The following TRPV5 variants were observed in gnomAD, a reference collection of about 807,000 sequenced individuals.
TRPV5 encodes the protein transient receptor potential cation channel subfamily V member 5.
TRPV5 carries 66 observed loss-of-function variants against 74.1 expected under a neutral mutation model. That is an observed-to-expected ratio of 0.89 (90% CI 0.73 to 1.09). The LOEUF is 1.09. TRPV5 is among the 50% of genes least tolerant of loss of function. The pLI is 0.00. For missense variants in TRPV5, 936 were observed against 930.4 expected (o/e 1.01, Z -0.08); for synonymous variants, 399 against 360.7 (o/e 1.11, Z -1.20).
intron 8 of TRPV5, among the ~76,000 whole-genome samples, chr7:142,916,491 G>C (rs4252480): frequency 0.016 from 2,490 of 151,196 alleles, 59 homozygotes; most frequent in African/African-American, 0.058. Flanking sequence ...ACAAAACTGT[G>C]TTCCCATGTA....
chr7:142,914,443 C>G (rs1026055693), intron 12 of TRPV5, among the ~76,000 whole-genome samples, 197 bp downstream of exon 12: 4 of 152,060 alleles, frequency 2.6e-5, no homozygotes, highest in Non-Finnish European at 5.9e-5. Context: ...CGTTCCAGGC[C>G]AACCTGAGTG....
At chr7:142,933,003 G>T (rs1377442323) in intron 1 of TRPV5, among the ~76,000 whole-genome samples, 2 of 152,156 alleles carry the variant, frequency 1.3e-5, no homozygotes, top group African/African-American at 2.4e-5. Context: ...TCAGCAGCCT[G>T]CTTCTGCCTT....
At chr7:142,911,407 A>G (rs757453326) in intron 13 of TRPV5, among the ~76,000 whole-genome samples, 13 of 152,144 alleles carry the variant, frequency 8.5e-5, no homozygotes, top group Non-Finnish European at 1.8e-4. Flanking sequence ...CAAGAGTCCT[A>G]ATTGCTACTA....
At chr7:142,914,347 C>G (rs1795755361) in intron 12 of TRPV5, among the ~76,000 whole-genome samples, 1 of 152,002 alleles carries the variant, frequency 6.6e-6, no homozygotes, top group African/African-American at 2.4e-5. Context: ...CTGTTCTCAC[C>G]AAAAGTCTTT....
chr7:142,933,439 C>T lies in TRPV5; in HGVS notation c.21G>A (p.Lys7=), dbSNP rs779444082. The change falls in exon 1 of 15, where the codon AAG becomes AAA. Residue 7 remains lysine (K), a synonymous_variant. Coordinates refer to ENST00000265310, the MANE Select transcript of TRPV5 (RefSeq NM_019841.7). MGGFLP[K]AEGPGSQLQK... ...GGAGTTGGCTCCCGGGCCCTTCTGC[C>T]TTAGGTAGAAAACCCCCCATGTCTT... 26 of 1,613,630 alleles carry T rather than the reference C, an allele frequency of 1.6e-5. No homozygotes were observed. In the Admixed American group the frequency reaches 3.5e-4, roughly 22 times the overall value.
In TRPV5 at chr7:142,929,014, G is replaced by C; in HGVS notation, c.586+8C>G. Reference sequence around the variant, plus strand: ...CATCCCAGCTCCCCTCCCCATCCCAGCTCTTACCCAGGGAGTCCTGGGCCC... The same window carrying C: ...CATCCCAGCTCCCCTCCCCATCCCACCTCTTACCCAGGGAGTCCTGGGCCC... On this transcript the variant is annotated splice_region_variant and intron_variant, in intron 5 of 14. Transcript: ENST00000265310. 1 of 1,613,914 alleles carries C rather than the reference G, an allele frequency of 6.2e-7. No individual in the cohort carries two copies. The highest frequency in any genetic ancestry group is 2.2e-5 in the East Asian group (1 of 44,874).
At chr7:142,930,509 G>A in intron 1 of TRPV5, 63 bp from the exon 2 acceptor site, 1 of 1,212,958 alleles carries the variant, frequency 8.2e-7, no homozygotes, top group East Asian at 2.3e-5. Context: ...CAAGAGCAAA[G>A]GGGATCTAAG....
At chr7:142,925,274 G>A (rs1795963734) in intron 8 of TRPV5, 1 of 560,426 alleles carries the variant, frequency 1.8e-6, no homozygotes, top group Non-Finnish European at 3.2e-6. Context: ...TTTCACAAAA[G>A]CACAGGCTTA....
chr7:142,933,058 T>G (rs995027199), intron 1 of TRPV5, among the ~76,000 whole-genome samples: 1 of 152,214 alleles, frequency 6.6e-6, no homozygotes, highest in Non-Finnish European at 1.5e-5. Flanking sequence ...CTGGTCCTTT[T>G]TGGTCCTTTC....
At position 142,933,299 on chromosome 7, in the gene TRPV5, C is replaced by T. The variant is rs373380365; in HGVS notation, c.128+33G>A. 177 of 1,608,818 alleles carry T rather than the reference C, an allele frequency of 1.1e-4. No individual in the cohort carries two copies. In the East Asian group the frequency reaches 2.1e-3, roughly 19 times the overall value. On this transcript the variant is annotated intron_variant, in intron 1 of 14. Coordinates refer to ENST00000265310, the MANE Select transcript of TRPV5 (RefSeq NM_019841.7). ...GGGTCAGAGGGTCTGAGGATCACGGCGGTAGGGCCACGGATCGTTCTAGGA... is the reference window on the plus strand; with the variant it reads ...GGGTCAGAGGGTCTGAGGATCACGGTGGTAGGGCCACGGATCGTTCTAGGA...
In TRPV5 at chr7:142,933,740, G is replaced by A. The variant is rs1438928193; in HGVS notation, c.-281C>T. On this transcript the variant is annotated 5_prime_UTR_variant, in exon 1 of 15. Transcript: ENST00000265310. ...GTGTGTGTGCATGCAGGTGCGCTGAGGGGACTGACCGCCCTGCCTGGGGAG... is the reference window on the plus strand; with the variant it reads ...GTGTGTGTGCATGCAGGTGCGCTGAAGGGACTGACCGCCCTGCCTGGGGAG... 7.5e-6 allele frequency: 3 copies of A among 399,206 alleles called. No homozygotes were observed. The highest frequency in any genetic ancestry group is 5.0e-5 in the South Asian group (1 of 20,032). The allele number at this position is 399,206 out of a possible 1,614,324, so 24.7% of individuals were successfully genotyped here.
chr7:142,930,551 C>A (rs145208631), intron 1 of TRPV5, 105 bp from the exon 2 acceptor site: 4 of 851,072 alleles, frequency 4.7e-6, no homozygotes, highest in South Asian at 2.8e-5. Flanking sequence ...ACTCACACAG[C>A]GTGCAGTGAC....
At chr7:142,913,118 T>A (rs553358571) in intron 12 of TRPV5, among the ~76,000 whole-genome samples, 3 of 152,292 alleles carry the variant, frequency 2.0e-5, no homozygotes, top group East Asian at 3.9e-4. Flanking sequence ...AAAAGGCAAG[T>A]TATTACAAGA....
chr7:142,933,227 CT>C, intron 1 of TRPV5, 104 bp downstream of exon 1: 1 of 1,438,814 alleles, frequency 7.0e-7, no homozygotes, highest in African/African-American at 1.4e-5. Context: ...GTGACTGGCA[CT>C]GACAATACAC....
intron 2 of TRPV5, 28 bp downstream of exon 2, chr7:142,930,321 C>A: frequency 6.2e-7 from 1 of 1,610,880 alleles, no homozygotes; most frequent in South Asian, 1.1e-5. Context: ...TCTGCCCCCA[C>A]CTCCATCCCA....
intron 1 of TRPV5, 122 bp downstream of exon 1, chr7:142,933,210 T>C: frequency 1.5e-6 from 2 of 1,318,084 alleles, no homozygotes; most frequent in Non-Finnish European, 2.1e-6. Context: ...GGAAAGGGTA[T>C]GTCTGAGTGA....
chr7:142,928,986 C>A, intron 5 of TRPV5, 36 bp downstream of exon 5: 2 of 1,613,434 alleles, frequency 1.2e-6, no homozygotes, highest in Non-Finnish European at 1.7e-6. Context: ...TCGCTCCCCA[C>A]AGCATCCCAG....
chr7:142,923,300 A>T (rs1795914364), intron 8 of TRPV5, among the ~76,000 whole-genome samples: 1 of 152,226 alleles, frequency 6.6e-6, no homozygotes. Flanking sequence ...CTTTCAAGTA[A>T]GAAAACAGTA....
At chr7:142,927,315 G>A (rs1019779265) in intron 7 of TRPV5, among the ~76,000 whole-genome samples, 2 of 152,220 alleles carry the variant, frequency 1.3e-5, no homozygotes, top group African/African-American at 2.4e-5. Flanking sequence ...TGAGAATTGA[G>A]GAAGTTGATG....
Sources: allele counts gnomAD v4.1 joint callset (sites outside exome capture counted in the v4.1 genomes callset), GRCh38; gene constraint gnomAD v4.1.1; transcripts MANE v1.5; gene names NCBI Gene and HGNC (gene_info 2026-07-23, HGNC 2026-07-21).